Variants in FAM184B observed in about 807,000 individuals in gnomAD.
The protein encoded by FAM184B is protein FAM184B.
FAM184B carries 111 observed loss-of-function variants against 135.9 expected under a neutral mutation model. The ratio of observed to expected loss-of-function variants is 0.82; its 90% confidence interval spans 0.70 to 0.96. The LOEUF (loss-of-function observed/expected upper bound fraction) is 0.96, where lower values mean the gene tolerates loss of function less well. FAM184B is among the 40% of genes least tolerant of loss of function. FAM184B has a pLI of 0.00. For missense variants in FAM184B, 1,375 were observed against 1,323.9 expected, an observed-to-expected ratio of 1.04 and a Z score of -0.60; for synonymous variants, 552 against 524.8, an observed-to-expected ratio of 1.05 and a Z score of -0.71.
At chr4:17,681,094 T>C (rs943173178) in intron 7 of FAM184B, among the ~76,000 whole-genome samples, 1 of 152,230 alleles carries the variant, frequency 6.6e-6, no homozygotes, top group Non-Finnish European at 1.5e-5. Context: ...TCCTGTTCAT[T>C]ACCACAAGTC....
intron 1 of FAM184B, among the ~76,000 whole-genome samples, chr4:17,741,264 G>A (rs1007910043): frequency 2.6e-5 from 4 of 152,166 alleles, no homozygotes; most frequent in Non-Finnish European, 5.9e-5. Flanking sequence ...GGATATTGGG[G>A]GATGGAGTTA....
chr4:17,771,991 G>A (rs1377963980), intron 1 of FAM184B, among the ~76,000 whole-genome samples: 1 of 152,188 alleles, frequency 6.6e-6, no homozygotes, highest in Non-Finnish European at 1.5e-5. Flanking sequence ...TTTGCATGGG[G>A]AGGTCAGAAA....
chr4:17,705,888 G>C lies in FAM184B; in HGVS notation c.1034C>G (p.Ala345Gly). The C allele has an allele frequency of 6.4e-7, 1 of 1,552,170 alleles. No individual in the cohort carries two copies. The highest frequency in any genetic ancestry group is 1.4e-5 in the African/African-American group (1 of 73,166). Reference protein sequence around the residue: ...QECRGTQQTDAMKTELVSENK... With the variant: ...QECRGTQQTDGMKTELVSENK... ...CTCTGAAACTAACTCAGTCTTCATGGCATCTGCAAGCATACATTTCAGCAT... is the reference window on the plus strand; with the variant it reads ...CTCTGAAACTAACTCAGTCTTCATGCCATCTGCAAGCATACATTTCAGCAT... The change falls in exon 4 of 18, where the codon GCC becomes GGC. Residue 345 changes from alanine to glycine, a missense_variant. Ala to Gly is a moderately conservative substitution (Grantham distance 60, BLOSUM62 0). Coordinates refer to ENST00000265018, the MANE Select transcript of FAM184B (RefSeq NM_015688.2).
At chr4:17,655,126 G>A (rs983021449) in intron 10 of FAM184B, among the ~76,000 whole-genome samples, 2 of 152,178 alleles carry the variant, frequency 1.3e-5, no homozygotes, top group African/African-American at 4.8e-5. Flanking sequence ...GATTACAGGC[G>A]TGAGCCACCA....
At chr4:17,706,123 A>C (rs1392304661) in intron 3 of FAM184B, among the ~76,000 whole-genome samples, 1 of 152,184 alleles carries the variant, frequency 6.6e-6, no homozygotes, top group Non-Finnish European at 1.5e-5. Context: ...CTTCCTAAAT[A>C]ACCTCCAAAT....
intron 5 of FAM184B, among the ~76,000 whole-genome samples, chr4:17,693,741 C>T (rs895297607): frequency 1.3e-5 from 2 of 152,204 alleles, no homozygotes; most frequent in African/African-American, 4.8e-5. Flanking sequence ...GTAAAAAAGC[C>T]AACTACATTT....
At chr4:17,746,662 G>A (rs1718172416) in intron 1 of FAM184B, among the ~76,000 whole-genome samples, 1 of 151,772 alleles carries the variant, frequency 6.6e-6, no homozygotes, top group African/African-American at 2.4e-5. Flanking sequence ...GACTCGGGAG[G>A]TGGAGCTTGC....
intron 13 of FAM184B, 38 bp from the exon 14 acceptor site, chr4:17,639,434 C>A: frequency 6.5e-7 from 1 of 1,548,140 alleles, no homozygotes; most frequent in Non-Finnish European, 8.7e-7. Context: ...TTGCCCAGCT[C>A]CAGGGATGGC....
At position 17,731,145 on chromosome 4, in the gene FAM184B, C is replaced by G. The variant is rs1035376683; in HGVS notation, c.142-21501G>C. On this transcript the variant is annotated intron_variant, in intron 1 of 17. Transcript: ENST00000265018. The stretch of plus-strand genomic sequence containing the variant: ...AAATGCTGAGAGATTTTGTCACCAC[C>G]AGGTCTGCCCTAAAAGAGCTCCTGA... Among the ~76,000 whole-genome samples, 4 of 152,098 alleles carry G rather than the reference C, an allele frequency of 2.6e-5. No individual in the cohort carries two copies. In the South Asian group the frequency reaches 8.3e-4, roughly 32 times the overall value.
chr4:17,716,979 T>G (rs1717411514), intron 1 of FAM184B, among the ~76,000 whole-genome samples: 1 of 152,068 alleles, frequency 6.6e-6, no homozygotes, highest in Admixed American at 6.6e-5. Flanking sequence ...CTGGCTAGTT[T>G]TTTGTATTTT....
chr4:17,736,615 T>C (rs1356633978), intron 1 of FAM184B, among the ~76,000 whole-genome samples: 2 of 152,190 alleles, frequency 1.3e-5, no homozygotes, highest in Non-Finnish European at 2.9e-5. Flanking sequence ...CCAAGTCAGC[T>C]GTCCTGGTTG....
At chr4:17,711,930 A>G (rs1369433113) in intron 1 of FAM184B, among the ~76,000 whole-genome samples, 1 of 152,210 alleles carries the variant, frequency 6.6e-6, no homozygotes, top group African/African-American at 2.4e-5. Context: ...GAGTTGGAGG[A>G]CAGGAAGAAA....
chr4:17,743,223 T>G (rs1306856956), intron 1 of FAM184B, among the ~76,000 whole-genome samples: 2 of 152,184 alleles, frequency 1.3e-5, no homozygotes, highest in Non-Finnish European at 2.9e-5. Context: ...AGTATCTATG[T>G]GGGTTGATGG....
intron 1 of FAM184B, among the ~76,000 whole-genome samples, chr4:17,767,191 G>A (rs1577295961): frequency 6.6e-6 from 1 of 152,180 alleles, no homozygotes; most frequent in Non-Finnish European, 1.5e-5. Flanking sequence ...GCCTCTCCCT[G>A]CACACCTCGT....
chr4:17,741,063 A>C (rs1718021937), intron 1 of FAM184B, among the ~76,000 whole-genome samples: 1 of 152,150 alleles, frequency 6.6e-6, no homozygotes, highest in African/African-American at 2.4e-5. Flanking sequence ...CATTTAGCAA[A>C]TATTTATTGA....
At chr4:17,658,143 T>G (rs1715820469) in intron 10 of FAM184B, among the ~76,000 whole-genome samples, 1 of 152,196 alleles carries the variant, frequency 6.6e-6, no homozygotes, top group Admixed American at 6.6e-5. Context: ...CCCGCTTCCT[T>G]TGCCATTTAC....
chr4:17,643,288 C>G (rs1577243607), intron 12 of FAM184B, among the ~76,000 whole-genome samples: 1 of 152,194 alleles, frequency 6.6e-6, no homozygotes, highest in East Asian at 1.9e-4. Context: ...TGTGTCCCCT[C>G]CCCTTTCCTT....
intron 1 of FAM184B, among the ~76,000 whole-genome samples, chr4:17,779,776 C>A (rs1432269918): frequency 6.6e-6 from 1 of 152,120 alleles, no homozygotes; most frequent in Non-Finnish European, 1.5e-5. Context: ...TTGGAAACAC[C>A]CAATTTAGCA....
chr4:17,663,216 C>G (rs372407154), intron 8 of FAM184B, among the ~76,000 whole-genome samples: 8 of 152,194 alleles, frequency 5.3e-5, no homozygotes, highest in Admixed American at 3.3e-4. Flanking sequence ...AGATTACAGA[C>G]ATGAGCCACC....
Sources: gnomAD v4.1 joint callset for allele counts (sites outside exome capture counted in the v4.1 genomes callset) on GRCh38, gnomAD v4.1.1 for gene constraint, MANE v1.5 for transcripts, NCBI Gene and HGNC (gene_info 2026-07-23, HGNC 2026-07-21) for gene names.